The following PDE8B variants were observed in gnomAD, a reference collection of about 807,000 sequenced individuals.
PDE8B encodes phosphodiesterase 8B.
Under a neutral mutation model 101.3 loss-of-function variants are expected in PDE8B, and 26 were observed. The observed-to-expected ratio is 0.26, with a 90% CI of 0.19 to 0.36. The LOEUF (loss-of-function observed/expected upper bound fraction) is 0.36. Ranked by LOEUF, PDE8B falls within the 10% of genes least tolerant of loss-of-function variation. The pLI is 1.00. For missense variants in PDE8B, 810 were observed against 1,163.1 expected (o/e 0.70, Z 4.42); for synonymous variants, 424 against 429.3 (o/e 0.99, Z 0.15).
intron 10 of PDE8B, among the ~76,000 whole-genome samples, chr5:77,398,115 G>A (rs114002549): frequency 6.6e-6 from 1 of 151,940 alleles, no homozygotes; most frequent in Non-Finnish European, 1.5e-5. Flanking sequence ...GATCCCTCGT[G>A]TGGCAAGAAG....
At chr5:77,120,516 A>G in the PDE8B span, among the ~76,000 whole-genome samples, 1 of 152,240 alleles carries the variant, frequency 6.6e-6, no homozygotes, top group Non-Finnish European at 1.5e-5. Flanking sequence ...AGTACTTTGA[A>G]ATGCATTAAA....
chr5:77,267,820 A>G (rs1762057160), intron 1 of PDE8B, among the ~76,000 whole-genome samples: 2 of 152,228 alleles, frequency 1.3e-5, no homozygotes, highest in Non-Finnish European at 2.9e-5. Context: ...GATTGCTTAC[A>G]AGAGCAGTTA....
At chr5:77,259,231 G>A (rs1462696113) in intron 1 of PDE8B, among the ~76,000 whole-genome samples, 1 of 152,024 alleles carries the variant, frequency 6.6e-6, no homozygotes, top group African/African-American at 2.4e-5. Context: ...GTGGCAGTCA[G>A]CCCTCCTGGG....
chr5:77,127,875 G>A, the PDE8B span, among the ~76,000 whole-genome samples: 1 of 152,130 alleles, frequency 6.6e-6, no homozygotes, highest in Non-Finnish European at 1.5e-5. Context: ...TCCTATCAGG[G>A]TTCTAACTTT....
intron 20 of PDE8B, among the ~76,000 whole-genome samples, chr5:77,424,226 G>GA (rs1797403314): frequency 6.6e-6 from 1 of 152,194 alleles, no homozygotes; most frequent in Non-Finnish European, 1.5e-5. Context: ...GACCCACAGA[G>GA]AGAGGACCTG....
intron 1 of PDE8B, among the ~76,000 whole-genome samples, chr5:77,221,751 T>C (rs1580394887): frequency 1.3e-5 from 2 of 152,350 alleles, no homozygotes; most frequent in Middle Eastern, 3.4e-3. Context: ...TGAATCGTTA[T>C]GGGTTTATGT....
chr5:77,399,386 T>G (rs1213075012), intron 10 of PDE8B, among the ~76,000 whole-genome samples: 1 of 152,234 alleles, frequency 6.6e-6, no homozygotes, highest in Non-Finnish European at 1.5e-5. Flanking sequence ...TGCTAAGCCA[T>G]ATTAATCTGC....
At chr5:77,214,708 A>T (rs1267272221) in intron 1 of PDE8B, among the ~76,000 whole-genome samples, 1 of 152,156 alleles carries the variant, frequency 6.6e-6, no homozygotes, top group Non-Finnish European at 1.5e-5. Context: ...GAAAAAAGTC[A>T]TTTTTGTTTT....
chr5:77,233,359 A>G (rs1753975606), intron 1 of PDE8B, among the ~76,000 whole-genome samples: 2 of 152,016 alleles, frequency 1.3e-5, no homozygotes, highest in South Asian at 4.2e-4. Flanking sequence ...CTTCCCCAGG[A>G]GCAGGTCCTG....
chr5:77,217,042 T>C (rs562510913), intron 1 of PDE8B, among the ~76,000 whole-genome samples: 4 of 152,252 alleles, frequency 2.6e-5, no homozygotes, highest in Non-Finnish European at 5.9e-5. Flanking sequence ...ATTCACTGTT[T>C]ACAGTTCCTG....
chr5:77,309,894 A>T (rs1018653664), intron 1 of PDE8B, among the ~76,000 whole-genome samples: 1 of 149,068 alleles, frequency 6.7e-6, no homozygotes, highest in Admixed American at 6.7e-5. Context: ...TGCTGGGATT[A>T]CAGGCATGAG....
At chr5:77,098,949 C>T in the PDE8B span, among the ~76,000 whole-genome samples, 3 of 152,200 alleles carry the variant, frequency 2.0e-5, no homozygotes, top group Admixed American at 6.5e-5. Flanking sequence ...CTGCAGTCAC[C>T]TCTTAAAGGT....
At chr5:77,415,977 C>T (rs571075685) in intron 17 of PDE8B, among the ~76,000 whole-genome samples, 81 of 152,216 alleles carry the variant, frequency 5.3e-4, no homozygotes, top group Non-Finnish European at 9.3e-4. Context: ...AACTGCACCT[C>T]CACGGGACTG....
chr5:77,289,880 G>A (rs993348643), intron 1 of PDE8B, among the ~76,000 whole-genome samples: 1 of 152,110 alleles, frequency 6.6e-6, no homozygotes, highest in Non-Finnish European at 1.5e-5. Flanking sequence ...CAAATGTTCT[G>A]GACTACATTT....
intron 10 of PDE8B, among the ~76,000 whole-genome samples, chr5:77,361,131 T>C (rs1783023348): frequency 6.6e-6 from 1 of 152,248 alleles, no homozygotes; most frequent in Non-Finnish European, 1.5e-5. Flanking sequence ...ACGTCTGTTT[T>C]ATCTGTATTA....
At chr5:77,381,935 G>T (rs1665853445) in intron 10 of PDE8B, among the ~76,000 whole-genome samples, 1 of 152,156 alleles carries the variant, frequency 6.6e-6, no homozygotes, top group South Asian at 2.1e-4. Flanking sequence ...CTTATGCCCA[G>T]GCTCATAGTA....
At chr5:77,389,754 T>G (rs1286257900) in intron 10 of PDE8B, among the ~76,000 whole-genome samples, 1 of 152,194 alleles carries the variant, frequency 6.6e-6, no homozygotes, top group African/African-American at 2.4e-5. Context: ...TCATAATGTT[T>G]TTGAGGTTCA....
chr5:77,222,144 G>A (rs916034444), intron 1 of PDE8B, among the ~76,000 whole-genome samples: 13 of 152,174 alleles, frequency 8.5e-5, no homozygotes, highest in African/African-American at 2.2e-4. Context: ...GCTCTGCCCT[G>A]TACAAACTTT....
At chr5:77,148,791 T>G in the PDE8B span, among the ~76,000 whole-genome samples, 1 of 152,222 alleles carries the variant, frequency 6.6e-6, no homozygotes, top group Non-Finnish European at 1.5e-5. Context: ...TTATCAAGTC[T>G]AGGATTTTTG....
Sources: allele counts gnomAD v4.1 joint callset (sites outside exome capture counted in the v4.1 genomes callset), GRCh38; gene constraint gnomAD v4.1.1; transcripts MANE v1.5; gene names NCBI Gene and HGNC (gene_info 2026-07-23, HGNC 2026-07-21).